The following RELN variants were observed in gnomAD, a reference collection of about 807,000 sequenced individuals.
RELN encodes the protein reelin.
Under a neutral mutation model 427.6 loss-of-function variants are expected in RELN, and 108 were observed. The ratio of observed to expected loss-of-function variants is 0.25; its 90% CI spans 0.22 to 0.30. The LOEUF is 0.30. RELN is among the 10% of genes least tolerant of loss of function. The pLI is 1.00. For synonymous variants in RELN, 1,524 were observed against 1,513.4 expected, an observed-to-expected ratio of 1.01 and a Z score of -0.16; for missense variants, 3,715 against 4,302.8, an observed-to-expected ratio of 0.86 and a Z score of 3.82.
intron 2 of RELN, among the ~76,000 whole-genome samples, chr7:103,909,515 G>A (rs1312177835): frequency 6.8e-6 from 1 of 147,802 alleles, no homozygotes; most frequent in African/African-American, 2.5e-5. Flanking sequence ...GCTGAGGCAG[G>A]AGAATTGCTT....
chr7:103,799,969 G>A (rs753597095), intron 3 of RELN, among the ~76,000 whole-genome samples: 1 of 152,036 alleles, frequency 6.6e-6, no homozygotes, highest in Non-Finnish European at 1.5e-5. Flanking sequence ...AAATTCCAAG[G>A]TACTGACGGA....
Position 103,574,222 on chromosome 7 carries a change from G to T in RELN, c.4381C>A (p.Leu1461Met). Residue 1461 changes from leucine (L) to methionine (M), a missense_variant, in exon 30 of 65, where the codon CTG becomes ATG. Around this residue, in one of 4 missense-constraint regions of RELN, gnomAD observed 2,208 missense variants for 2,361.7 expected, o/e 0.93. Transcript: ENST00000428762. ...TGGGCACCTGTTATCTTGTACCACA[G>T]AGGGCTGAGCTTCCCCTCAAACCTA... ...FDRFEGKLSP[L>M]WYKITGAQVG... 6.2e-7 allele frequency: 1 copy of T among 1,614,140 alleles called. No homozygotes were observed. The highest frequency in any genetic ancestry group is 8.5e-7 in the Non-Finnish European group (1 of 1,180,008).
At position 103,661,413 on chromosome 7, in the gene RELN, A is replaced by G; in HGVS notation, c.1404T>C (p.Thr468=). 1 of 1,613,552 alleles carries G rather than the reference A, an allele frequency of 6.2e-7. No homozygotes were observed. Among genetic ancestry groups the G allele is most frequent in the Non-Finnish European group, 8.5e-7 (1 of 1,179,766 alleles). ...ERKLCTPSMD[T]TGYGNLRFYF... is the part of the protein sequence containing the mutation. ...AAAACCTCAGGTTCCCATAACCGGT[A>G]GTGTCCATGGATGGAGTGCATAATT... The change falls in exon 12 of 65, where the codon ACT becomes ACC. Residue 468 remains threonine (T), a synonymous_variant. Transcript: ENST00000428762.
At chr7:103,667,410 TTTC>T (rs1833294709) in intron 11 of RELN, among the ~76,000 whole-genome samples, 1 of 152,336 alleles carries the variant, frequency 6.6e-6, no homozygotes, top group African/African-American at 2.4e-5. Context: ...TATTAACTTT[TTTC>T]TTGTTTCTAA....
At chr7:103,602,120 T>G (rs1028317053) in intron 24 of RELN, among the ~76,000 whole-genome samples, 1 of 152,158 alleles carries the variant, frequency 6.6e-6, no homozygotes, top group Non-Finnish European at 1.5e-5. Flanking sequence ...ATTGACAGAT[T>G]TAATAAACAC....
At chr7:103,781,634 G>A (rs141000869) in intron 3 of RELN, among the ~76,000 whole-genome samples, 155 of 152,032 alleles carry the variant, frequency 1.0e-3, no homozygotes, top group African/African-American at 3.4e-3. Flanking sequence ...CTGAAATTTT[G>A]TATCTTTGAC....
chr7:103,742,086 G>C (rs776905767), intron 6 of RELN, among the ~76,000 whole-genome samples: 3 of 152,076 alleles, frequency 2.0e-5, no homozygotes, highest in Non-Finnish European at 4.4e-5. Context: ...GGAACGATCA[G>C]GCAGCAACAT....
At chr7:103,864,979 A>C (rs1278813843) in intron 2 of RELN, among the ~76,000 whole-genome samples, 3 of 151,876 alleles carry the variant, frequency 2.0e-5, no homozygotes, top group Non-Finnish European at 2.9e-5. Flanking sequence ...AAAAATATAA[A>C]AATTAGCCAG....
chr7:103,703,141 G>T (rs1834128099), intron 8 of RELN, among the ~76,000 whole-genome samples: 2 of 152,146 alleles, frequency 1.3e-5, no homozygotes, highest in African/African-American at 4.8e-5. Flanking sequence ...CAGAGGAACT[G>T]AGGTGGAAGG....
At chr7:103,729,620 G>T (rs1169009314) in intron 6 of RELN, among the ~76,000 whole-genome samples, 1 of 152,148 alleles carries the variant, frequency 6.6e-6, no homozygotes, top group African/African-American at 2.4e-5. Flanking sequence ...TTACTGTGAA[G>T]CAAGACATTA....
intron 1 of RELN, among the ~76,000 whole-genome samples, chr7:103,961,984 T>G (rs1796566562): frequency 6.6e-6 from 1 of 152,014 alleles, no homozygotes; most frequent in South Asian, 2.1e-4. Flanking sequence ...GTTTTAGGGG[T>G]GAGGGGTGGA....
intron 4 of RELN, among the ~76,000 whole-genome samples, chr7:103,775,962 TA>T (rs531792514): frequency 1.8e-3 from 280 of 152,270 alleles, no homozygotes; most frequent in African/African-American, 6.2e-3. Context: ...ACTCAAGGGA[TA>T]GGGGGAACAA....
intron 48 of RELN, 56 bp from the exon 49 acceptor site, chr7:103,519,572 T>C (rs747954133): frequency 2.2e-5 from 30 of 1,355,970 alleles, no homozygotes; most frequent in Admixed American, 7.5e-5. Flanking sequence ...TTGCAGATTA[T>C]AGATTTTCTA....
intron 14 of RELN, 96 bp downstream of exon 14, chr7:103,652,455 C>A: frequency 1.1e-6 from 1 of 949,426 alleles, no homozygotes; most frequent in East Asian, 2.5e-5. Flanking sequence ...TACTTAAAAT[C>A]CAGTTAAAAC....
chr7:103,571,953 T>C (rs1453436307), intron 31 of RELN, among the ~76,000 whole-genome samples: 5 of 152,210 alleles, frequency 3.3e-5, no homozygotes, highest in Non-Finnish European at 1.5e-5. Context: ...AATGGCACTT[T>C]GATTCTGCCT....
At chr7:103,795,983 CCAGT>C (rs1792289369) in intron 3 of RELN, among the ~76,000 whole-genome samples, 1 of 152,178 alleles carries the variant, frequency 6.6e-6, no homozygotes, top group East Asian at 1.9e-4. Context: ...AACTGCCAAA[CCAGT>C]CAATTTGTGT....
chr7:103,877,482 G>C (rs962290662), intron 2 of RELN, among the ~76,000 whole-genome samples: 1 of 152,080 alleles, frequency 6.6e-6, no homozygotes, highest in African/African-American at 2.4e-5. Context: ...TATTTCTTAA[G>C]TATATGCACT....
intron 11 of RELN, among the ~76,000 whole-genome samples, chr7:103,681,017 G>A (rs1833642391): frequency 6.6e-6 from 1 of 152,154 alleles, no homozygotes; most frequent in Non-Finnish European, 1.5e-5. Flanking sequence ...TAGAAATTCA[G>A]AGTTTGACAC....
At chr7:103,858,529 T>C (rs545423209) in intron 2 of RELN, among the ~76,000 whole-genome samples, 2 of 152,324 alleles carry the variant, frequency 1.3e-5, no homozygotes, top group African/African-American at 4.8e-5. Context: ...ATAATTTTCA[T>C]GGAACTATTA....
Sources: gnomAD v4.1 joint callset for allele counts (sites outside exome capture counted in the v4.1 genomes callset) on GRCh38, gnomAD v4.1.1 for gene constraint, gnomAD v4.1.1 regional missense constraint, MANE v1.5 for transcripts, NCBI Gene and HGNC (gene_info 2026-07-23, HGNC 2026-07-21) for gene names.